CEP162: variants seen among roughly 807,000 people sequenced by gnomAD.
CEP162 encodes centrosomal protein 162.
Under a neutral mutation model 169.2 loss-of-function variants are expected in CEP162, and 141 were observed. The ratio of observed to expected loss-of-function variants is 0.83; its 90% confidence interval spans 0.73 to 0.96. The LOEUF (loss-of-function observed/expected upper bound fraction) is 0.96, where lower values mean the gene tolerates loss of function less well. CEP162 is among the 40% of genes least tolerant of loss of function. CEP162 has a pLI of 0.00. For missense variants in CEP162, 1,600 were observed against 1,587.2 expected, an observed-to-expected ratio of 1.01 and a Z score of -0.14; for synonymous variants, 540 against 526.4, an observed-to-expected ratio of 1.03 and a Z score of -0.35.
chr6:84,170,531 A>G (rs1044430489), intron 17 of CEP162, among the ~76,000 whole-genome samples: 14 of 151,900 alleles, frequency 9.2e-5, no homozygotes, highest in African/African-American at 3.1e-4. Context: ...GTCTTTTTCT[A>G]TTTTGCCTGA....
chr6:84,139,673 C>G (rs1016030074), intron 25 of CEP162, among the ~76,000 whole-genome samples: 3 of 152,156 alleles, frequency 2.0e-5, no homozygotes, highest in African/African-American at 7.2e-5. Flanking sequence ...CTATAGCAGT[C>G]AGTCAAGAAA....
intron 25 of CEP162, among the ~76,000 whole-genome samples, chr6:84,139,840 T>C (rs1240378598): frequency 2.0e-5 from 3 of 149,068 alleles, no homozygotes; most frequent in African/African-American, 5.2e-5. Context: ...TTGTTTTCCA[T>C]TGTCTTTTGC....
intron 4 of CEP162, 45 bp downstream of exon 4, chr6:84,215,731 A>AT (rs771934235): frequency 6.5e-7 from 1 of 1,537,368 alleles, no homozygotes; most frequent in African/African-American, 1.4e-5. Flanking sequence ...GAATATAAGC[A>AT]TAACAATTAA....
chr6:84,213,383 G>A (rs1444645705), intron 5 of CEP162, among the ~76,000 whole-genome samples: 1 of 152,104 alleles, frequency 6.6e-6, no homozygotes, highest in African/African-American at 2.4e-5. Context: ...GAGAACCAGT[G>A]AAGTCCATAT....
At chr6:84,142,481 A>G (rs1225117097) in intron 25 of CEP162, among the ~76,000 whole-genome samples, 1 of 152,168 alleles carries the variant, frequency 6.6e-6, no homozygotes, top group East Asian at 1.9e-4. Context: ...ATAAAAGAGC[A>G]CTATTTAATT....
intron 24 of CEP162, among the ~76,000 whole-genome samples, chr6:84,149,231 AG>A (rs2129200014): frequency 6.6e-6 from 1 of 152,244 alleles, no homozygotes; most frequent in African/African-American, 2.4e-5. Context: ...TTCAAGTACT[AG>A]GGTCCTAATC....
At position 84,134,508 on chromosome 6, in the gene CEP162, T is replaced by C. The variant is rs1033156667; in HGVS notation, c.3871-7996A>G. Among the ~76,000 whole-genome samples the C allele has an allele frequency of 5.3e-5, 8 of 152,336 alleles. 1 individual carries two copies. ...CCAAGTGAATCTTCTGGTGTGTGCA[T>C]TGCGAAGACCTTGGGAAAAGCATAG... On this transcript the variant is annotated intron_variant, in intron 25 of 26. Transcript: ENST00000403245.
chr6:84,146,934 A>C (rs1031316578), intron 24 of CEP162, 149 bp from the exon 25 acceptor site: 2 of 427,402 alleles, frequency 4.7e-6, no homozygotes, highest in Non-Finnish European at 8.3e-6. Flanking sequence ...AAAATTATAG[A>C]GATTTCTCAA....
chr6:84,222,268 T>C (rs2099554010), intron 2 of CEP162, among the ~76,000 whole-genome samples: 1 of 152,178 alleles, frequency 6.6e-6, no homozygotes, highest in South Asian at 2.1e-4. Flanking sequence ...TCATGGAATT[T>C]GCTACTGGTG....
chr6:84,152,622 T>G lies in CEP162; in HGVS notation c.3552A>C (p.Glu1184Asp). The change falls in exon 23 of 27, where the codon GAA becomes GAC. Residue 1184 changes from glutamate (E) to aspartate (D), a missense_variant. Glu to Asp is a conservative substitution (Grantham distance 45). Transcript: ENST00000403245. ...QENYRLKNEL[E>D]GLISEKNELK... Reference sequence around the variant, plus strand: ...GTTCATTCTTCTCTGAAATTAATCCTTCTAGCTCATTTTTTAATCTGTAGT... The same window carrying G: ...GTTCATTCTTCTCTGAAATTAATCCGTCTAGCTCATTTTTTAATCTGTAGT... The G allele has an allele frequency of 1.9e-6, 3 of 1,576,548 alleles. No individual in the cohort carries two copies. The highest frequency in any genetic ancestry group is 1.2e-5 in the South Asian group (1 of 86,086).
chr6:84,174,949 G>C lies in CEP162; in HGVS notation c.1803C>G (p.Ser601=), dbSNP rs757427850. 21 of 1,590,280 alleles carry C rather than the reference G, an allele frequency of 1.3e-5. No individual in the cohort carries two copies. Among genetic ancestry groups the C allele is most frequent in the African/African-American group, 2.7e-5 (2 of 74,248 alleles). ...TDSCIQFQTD[S]LGYCGENKEK... ...CCTTGTTCTCACCACAGTATCCTAA[G>C]GAATCCTTTCAAGACAAAGCATTAC... The change falls in exon 15 of 27, where the codon TCC becomes TCG. Residue 601 remains serine (S), a synonymous_variant. Coordinates refer to ENST00000403245, the MANE Select transcript of CEP162 (RefSeq NM_014895.4).
chr6:84,200,908 G>A lies in CEP162; in HGVS notation c.719-3C>T, dbSNP rs376832291. On this transcript the variant is annotated splice_polypyrimidine_tract_variant and splice_region_variant and intron_variant, in intron 8 of 26. Coordinates refer to ENST00000403245, the MANE Select transcript of CEP162 (RefSeq NM_014895.4). ...GTCTAATGAATCAAGCAGCACAACTGGAAGAATATAAAAGAAAAATATAAG... is the reference window on the plus strand; with the variant it reads ...GTCTAATGAATCAAGCAGCACAACTAGAAGAATATAAAAGAAAAATATAAG... The A allele has an allele frequency of 9.2e-5, 142 of 1,539,224 alleles. No individual in the cohort carries two copies. Among genetic ancestry groups the A allele is most frequent in the Admixed American group, 4.4e-4 (26 of 59,170 alleles).
chr6:84,167,691 A>T (rs1318570505), intron 18 of CEP162, among the ~76,000 whole-genome samples: 5 of 152,176 alleles, frequency 3.3e-5, no homozygotes, highest in Non-Finnish European at 7.4e-5. Context: ...TAGTTTGCGC[A>T]TTGCAAGGTA....
rs757952690 is a variant in CEP162 at position 84,185,363 on chromosome 6, G to T, written c.1487C>A (p.Pro496His). ...VPYKKARSAPPLLKRKPQSGL... is the reference protein window; with the variant it reads ...VPYKKARSAPHLLKRKPQSGL... The stretch of plus-strand genomic sequence containing the variant: ...ACTCTGGGGTTTCCTTTTAAGTAAA[G>T]GAGGTGCACTTCTGGCCTTCTTGTA... Residue 496 changes from proline to histidine, a missense_variant, in exon 13 of 27, where the codon CCT becomes CAT. Transcript: ENST00000403245. The T allele has an allele frequency of 1.9e-6, 3 of 1,613,478 alleles. No homozygotes were observed. The highest frequency in any genetic ancestry group is 1.1e-5 in the South Asian group (1 of 91,074).
intron 6 of CEP162, among the ~76,000 whole-genome samples, chr6:84,207,163 T>G (rs1484662052): frequency 1.3e-5 from 2 of 152,204 alleles, no homozygotes; most frequent in Non-Finnish European, 2.9e-5. Flanking sequence ...AGTGTGGCAA[T>G]TCCTCAAGGA....
rs754388311 is a variant in CEP162, at chr6:84,186,526, T to A, written c.1207A>T (p.Asn403Tyr). 2 of 1,613,132 alleles carry A rather than the reference T, an allele frequency of 1.2e-6. No homozygotes were observed. The highest frequency in any genetic ancestry group is 2.2e-5 in the East Asian group (1 of 44,778). The change falls in exon 12 of 27, where the codon AAC (asparagine) becomes TAC (tyrosine). Residue 403 changes from asparagine to tyrosine, a missense_variant. Physicochemically the swap from Asn to Tyr is moderately radical, Grantham distance 143. Coordinates refer to ENST00000403245, the MANE Select transcript of CEP162 (RefSeq NM_014895.4). ...NILSQDSQHV[N>Y]LFFDKNDENV... ...TCATCATTTTTGTCAAAAAAAAGGT[T>A]CACATGTTGTGAGTCTTGAGACAAA...
intron 2 of CEP162, among the ~76,000 whole-genome samples, chr6:84,224,807 G>A (rs75993585): frequency 0.024 from 3,673 of 151,962 alleles, 137 homozygotes; most frequent in African/African-American, 0.085. Context: ...GGTAAATGAG[G>A]GAAGAATAAA....
In CEP162 at chr6:84,212,962, A is replaced by G. The variant is rs1186995090; in HGVS notation, c.566T>C (p.Leu189Pro). 6.5e-7 allele frequency: 1 copy of G among 1,538,390 alleles called. No homozygotes were observed. ...EHENESKHEE[L>P]AENYSDDFED... ...TTAAGAACCAATGAAATTACCTGCC[A>G]GTTCTTCATGTTTCGATTCATTCTC... is the stretch of plus-strand genomic sequence containing the variant. Residue 189 changes from leucine to proline, a missense_variant, in exon 6 of 27, where the codon CTG (leucine) becomes CCG (proline). Leu to Pro is a moderately conservative substitution (Grantham distance 98). Coordinates refer to ENST00000403245, the MANE Select transcript of CEP162 (RefSeq NM_014895.4).
At chr6:84,166,321 A>C (rs1009862433) in intron 18 of CEP162, among the ~76,000 whole-genome samples, 1 of 152,198 alleles carries the variant, frequency 6.6e-6, no homozygotes, top group Non-Finnish European at 1.5e-5. Flanking sequence ...TCTGGCTTGA[A>C]GCCTGAATCT....
Sources: gnomAD v4.1 joint callset for allele counts (sites outside exome capture counted in the v4.1 genomes callset) on GRCh38, gnomAD v4.1.1 for gene constraint, MANE v1.5 for transcripts, NCBI Gene and HGNC (gene_info 2026-07-23, HGNC 2026-07-21) for gene names.